PRR12: variants seen among roughly 807,000 people sequenced by gnomAD.
The protein encoded by PRR12 is proline-rich protein 12.
In PRR12, 12 loss-of-function variants were observed where a neutral mutation model predicts 138.0. The ratio of observed to expected loss-of-function variants is 0.09; its 90% CI spans 0.06 to 0.14. The LOEUF (loss-of-function observed/expected upper bound fraction) is 0.14. PRR12 is among the 10% of genes least tolerant of loss of function. The probability of loss-of-function intolerance (pLI) is 1.00; values close to 1 mark genes in which losing one functional copy is unlikely to be tolerated. For synonymous variants in PRR12, 1,567 were observed against 1,291.7 expected, an observed-to-expected ratio of 1.21 and a Z score of -4.57; for missense variants, 2,692 against 2,861.3, an observed-to-expected ratio of 0.94 and a Z score of 1.35.
At chr19:49,598,103 T>G (rs2080787778) in intron 4 of PRR12, 90 bp downstream of exon 4, 3 of 1,226,294 alleles carry the variant, frequency 2.4e-6, no homozygotes, top group Non-Finnish European at 3.1e-6. Flanking sequence ...AGACAGAGTC[T>G]CGCTCTGTCG....
chr19:49,593,486 C>T (rs748624810), intron 2 of PRR12, 47 bp downstream of exon 2: 4 of 842,904 alleles, frequency 4.7e-6, no homozygotes, highest in Admixed American at 4.6e-5. Flanking sequence ...TCCCCCTCCC[C>T]CCGAGGCAGC....
chr19:49,625,269 G>T lies in PRR12; in HGVS notation c.5964+69G>T. On this transcript the variant is annotated intron_variant, in intron 13 of 13. Transcript: ENST00000418929. This position sits in a 1 kb window ranked among gnomAD's most constrained non-coding sequence, Gnocchi z 5.5. ...TTCTGACTTCCTCTTGGGATCTGAG[G>T]GTCCAAGCCCAGCCCCATCCTGCCT... The T allele has an allele frequency of 6.5e-7, 1 of 1,545,710 alleles. No homozygotes were observed. Among genetic ancestry groups the T allele is most frequent in the Non-Finnish European group, 8.9e-7 (1 of 1,123,908 alleles).
chr19:49,596,837 G>GCCACCTCCACCGCCACCC lies in PRR12; in HGVS notation c.2505_2522dup (p.Pro840_Pro845dup). 1.9e-6 allele frequency: 3 copies of GCCACCTCCACCGCCACCC among 1,591,194 alleles called. No homozygotes were observed. The highest frequency in any genetic ancestry group is 1.7e-6 in the Non-Finnish European group (2 of 1,175,154). On this transcript the variant is annotated inframe_insertion, in exon 4 of 14. Coordinates refer to ENST00000418929, the MANE Select transcript of PRR12 (RefSeq NM_020719.3). The surrounding 1 kb of genome is among the most constrained non-coding windows in gnomAD (Gnocchi z 5.6). ...CAGCCACCCGCGATGGGGCACCCCA[G>GCCACCTCCACCGCCACCC]CCACCTCCACCGCCACCCCCGCCTC...
Position 49,620,446 on chromosome 19 carries a change from A to T in PRR12, c.5592A>T (p.Pro1864=). 1 of 1,579,988 alleles carries T rather than the reference A, an allele frequency of 6.3e-7. No individual in the cohort carries two copies. The highest frequency in any genetic ancestry group is 8.6e-7 in the Non-Finnish European group (1 of 1,162,678). Residue 1864 remains proline (P), a synonymous_variant, in exon 10 of 14, where the codon CCA becomes CCT. Transcript: ENST00000418929. ...TGTTGGTGAGCACAGCACTTGACCC[A>T]GACATGATCCAGGCCCTGGAGGACA... ...VEMLVSTALD[P]DMIQALEDTH...
intron 5 of PRR12, 28 bp from the exon 6 acceptor site, chr19:49,601,463 C>G: frequency 1.5e-6 from 2 of 1,323,088 alleles, no homozygotes; most frequent in East Asian, 2.5e-5. Context: ...TGAATAACAT[C>G]CAGGCCTGAT....
Position 49,615,000 on chromosome 19 carries a change from T to C in PRR12, c.5015T>C (p.Val1672Ala). ...CGGAAACCCTGGCATCGGCCCCCAGTGCCAGTCAGGTACCAACCATGGGGG... is the reference window on the plus strand; with the variant it reads ...CGGAAACCCTGGCATCGGCCCCCAGCGCCAGTCAGGTACCAACCATGGGGG... Reference protein sequence around the residue: ...CARKPWHRPPVPVRRSGQAKN... With the variant: ...CARKPWHRPPAPVRRSGQAKN... The change falls in exon 8 of 14, where the codon GTG becomes GCG. Residue 1672 changes from valine (V) to alanine (A), a missense_variant. By Grantham distance (64) the Val-to-Ala change is moderately conservative. Around this residue, in one of 11 missense-constraint regions of PRR12, gnomAD observed 259 missense variants for 265.1 expected, o/e 0.98. Coordinates refer to ENST00000418929, the MANE Select transcript of PRR12 (RefSeq NM_020719.3). The surrounding 1 kb of genome is among the most constrained non-coding windows in gnomAD (Gnocchi z 5.0). 1 of 1,613,858 alleles carries C rather than the reference T, an allele frequency of 6.2e-7. No individual in the cohort carries two copies.
chr19:49,613,775 G>C (rs2080878171), intron 6 of PRR12, among the ~76,000 whole-genome samples: 1 of 152,110 alleles, frequency 6.6e-6, no homozygotes, highest in Non-Finnish European at 1.5e-5. Flanking sequence ...GACTCCTCAG[G>C]TTGCTATACC....
At chr19:49,620,771 G>GA (rs2080918332) in intron 10 of PRR12, among the ~76,000 whole-genome samples, 1 of 146,450 alleles carries the variant, frequency 6.8e-6, no homozygotes, top group East Asian at 2.1e-4. Context: ...GGGAGGAAGG[G>GA]CTGGGGGCCT....
chr19:49,624,809 G>T, intron 11 of PRR12, 35 bp from the exon 12 acceptor site: 1 of 1,601,824 alleles, frequency 6.2e-7, no homozygotes, highest in Non-Finnish European at 8.5e-7. Context: ...TATGGATCCA[G>T]GGCAGCATCC....
intron 11 of PRR12, among the ~76,000 whole-genome samples, chr19:49,622,926 TATAGAG>T (rs1251662216): frequency 0.063 from 5,489 of 87,328 alleles, 159 homozygotes; most frequent in Non-Finnish European, 0.086. Flanking sequence ...TATATATATA[TATAGAG>T]AGAGAGAGAG....
chr19:49,599,511 G>T lies in PRR12; in HGVS notation c.3918G>T (p.Pro1306=). 6.3e-7 allele frequency: 1 copy of T among 1,597,066 alleles called. No homozygotes were observed. Among genetic ancestry groups the T allele is most frequent in the South Asian group, 1.1e-5 (1 of 88,798 alleles). ...PPLYQAGLTP[P]LSPPKSVPPS... The stretch of plus-strand genomic sequence containing the variant: ...TCTACCAGGCGGGCCTGACGCCTCC[G>T]CTCAGCCCTCCCAAGAGTGTGCCAC... The change falls in exon 5 of 14, where the codon CCG becomes CCT. Residue 1306 remains proline, a synonymous_variant. Transcript: ENST00000418929. The surrounding 1 kb of genome is among the most constrained non-coding windows in gnomAD (Gnocchi z 5.0).
chr19:49,610,546 A>ATTTT lies in PRR12; in HGVS notation c.4774-3976_4774-3973dup, dbSNP rs922178889. Among the ~76,000 whole-genome samples the ATTTT allele has an allele frequency of 9.9e-5, 12 of 121,652 alleles. 1 individual carries two copies. Among genetic ancestry groups the ATTTT allele is most frequent in the African/African-American group, 3.6e-4 (10 of 27,944 alleles). The allele number at this position is 121,652 out of a possible 152,430, so 79.8% of individuals were successfully genotyped here. On this transcript the variant is annotated intron_variant, in intron 6 of 13. Transcript: ENST00000418929. ...CATGCCATGGTAAAACCCTGTTCCTATTTTTTTTTTTTTTGAGATGGAGTC... is the reference window on the plus strand; with the variant it reads ...CATGCCATGGTAAAACCCTGTTCCTATTTTTTTTTTTTTTTTTTGAGATGGAGTC...
rs1275480041 is a variant in PRR12, at chr19:49,591,455, CCCGCCCCT to C, written c.-191_-184del. On this transcript the variant is annotated 5_prime_UTR_variant, in exon 1 of 14. Transcript: ENST00000418929. ...CTCAGCGACTGCACCCCCTCCCTTG[CCCGCCCCT>C]CCGCCCCTGCCCCCTCCCTCCCCCG... 7.1e-6 allele frequency among the ~76,000 whole-genome samples: 1 copy of C among 140,498 alleles called. No individual in the cohort carries two copies. The highest frequency in any genetic ancestry group is 1.6e-5 in the Non-Finnish European group (1 of 63,918). 92.2% of individuals were successfully genotyped at this position (140,498 alleles called of 152,430 possible).
intron 8 of PRR12, 87 bp downstream of exon 8, chr19:49,615,096 T>TGGGG: frequency 6.6e-7 from 1 of 1,525,192 alleles, no homozygotes; most frequent in African/African-American, 1.5e-5. Context: ...GGCTGGAGAG[T>TGGGG]GGGGGGTGGG....
intron 6 of PRR12, among the ~76,000 whole-genome samples, chr19:49,612,179 G>A (rs1047018667): frequency 2.0e-5 from 3 of 148,446 alleles, no homozygotes; most frequent in Admixed American, 6.9e-5. Flanking sequence ...GCAGTGAGCC[G>A]AGATTGCGCC....
In PRR12 at chr19:49,599,227, G is replaced by A. The variant is rs757179481; in HGVS notation, c.3679-45G>A. 2.0e-6 allele frequency: 3 copies of A among 1,498,618 alleles called. No homozygotes were observed. Among genetic ancestry groups the A allele is most frequent in the Admixed American group, 2.3e-5 (1 of 43,342 alleles). 92.8% of individuals were successfully genotyped at this position (1,498,618 alleles called of 1,614,324 possible). A position where few individuals can be genotyped will look rare whatever the true frequency, so the allele number is the denominator to read the frequency against. Reference sequence around the variant, plus strand: ...GGGGCTGAGGGAGGATGGGACTGGGGGCCCAGGCTACTGGGCCCTCACGGC... The same window carrying A: ...GGGGCTGAGGGAGGATGGGACTGGGAGCCCAGGCTACTGGGCCCTCACGGC... On this transcript the variant is annotated intron_variant, in intron 4 of 13. Transcript: ENST00000418929. The surrounding 1 kb of genome is among the most constrained non-coding windows in gnomAD (Gnocchi z 5.0).
At position 49,597,576 on chromosome 19, in the gene PRR12, C is replaced by T; in HGVS notation, c.3241C>T (p.Leu1081=). 4 of 1,603,870 alleles carry T rather than the reference C, an allele frequency of 2.5e-6. No homozygotes were observed. The highest frequency in any genetic ancestry group is 1.1e-5 in the South Asian group (1 of 89,016). The change falls in exon 4 of 14, where the codon CTG becomes TTG. Residue 1081 remains leucine, a synonymous_variant. Coordinates refer to ENST00000418929, the MANE Select transcript of PRR12 (RefSeq NM_020719.3). This position sits in a 1 kb window ranked among gnomAD's most constrained non-coding sequence, Gnocchi z 6.3. The part of the protein sequence containing the change: ...KLLKTSSFHL[L]RRRDPPFQTP... ...GCTCAAGACATCCTCCTTCCACCTGCTGCGGCGCCGCGACCCACCCTTCCA... is the reference window on the plus strand; with the variant it reads ...GCTCAAGACATCCTCCTTCCACCTGTTGCGGCGCCGCGACCCACCCTTCCA...
At position 49,599,748 on chromosome 19, in the gene PRR12, A is replaced by C. The variant is rs1337577773; in HGVS notation, c.4155A>C (p.Glu1385Asp). The C allele has an allele frequency of 6.2e-7, 1 of 1,613,596 alleles. No individual in the cohort carries two copies. The highest frequency in any genetic ancestry group is 1.1e-5 in the South Asian group (1 of 91,084). Residue 1385 changes from glutamate (E) to aspartate (D), a missense_variant, in exon 5 of 14, where the codon GAA becomes GAC. Glu to Asp is a conservative substitution (Grantham distance 45, BLOSUM62 2). This residue lies in a region of PRR12 where 22 missense variants were observed against 59.2 expected (regional missense o/e 0.37). Coordinates refer to ENST00000418929, the MANE Select transcript of PRR12 (RefSeq NM_020719.3). The surrounding 1 kb of genome is among the most constrained non-coding windows in gnomAD (Gnocchi z 5.0). Reference sequence around the variant, plus strand: ...TGCCCTCCTTCTCCTCGGATGAGGAAGACTCTGTCGCCAAGAACCGAGACC... The same window carrying C: ...TGCCCTCCTTCTCCTCGGATGAGGACGACTCTGTCGCCAAGAACCGAGACC... ...ETLPSFSSDE[E>D]DSVAKNRDLQ... is the part of the protein sequence containing the mutation.
rs954879043 is a variant in PRR12, at chr19:49,616,662, T to G, written c.5497+443T>G. Among the ~76,000 whole-genome samples, 1 of 152,158 alleles carries G rather than the reference T, an allele frequency of 6.6e-6. No homozygotes were observed. Among genetic ancestry groups the G allele is most frequent in the Non-Finnish European group, 1.5e-5 (1 of 68,028 alleles). ...GGCTCTGTGATGGTGGGGTTTCCTG[T>G]GAGGCCCTGGGTGACCCTGAGAAAG... On this transcript the variant is annotated intron_variant, in intron 9 of 13. Transcript: ENST00000418929. This position sits in a 1 kb window ranked among gnomAD's most constrained non-coding sequence, Gnocchi z 4.2.
Sources: gnomAD v4.1 joint callset for allele counts (sites outside exome capture counted in the v4.1 genomes callset) on GRCh38, gnomAD v4.1.1 for gene constraint, gnomAD v4.1.1 regional missense constraint, Gnocchi (gnomAD v3.1) non-coding constraint, MANE v1.5 for transcripts, NCBI Gene and HGNC (gene_info 2026-07-23, HGNC 2026-07-21) for gene names.